HLF: variants seen among roughly 807,000 people sequenced by gnomAD.
The protein encoded by HLF is hepatic leukemia factor.
In HLF, 3 loss-of-function variants were observed where a neutral mutation model predicts 22.6. The ratio of observed to expected loss-of-function variants is 0.13; its 90% CI spans 0.06 to 0.34. The LOEUF is 0.34. Ranked by LOEUF, HLF falls within the 10% of genes least tolerant of loss-of-function variation. The probability of loss-of-function intolerance (pLI) is 1.00; values close to 1 mark genes in which losing one functional copy is unlikely to be tolerated. For synonymous variants in HLF, 151 were observed against 151.8 expected (o/e 0.99, Z 0.04); for missense variants, 299 against 389.2 (o/e 0.77, Z 1.95).
intron 2 of HLF, among the ~76,000 whole-genome samples, chr17:55,287,951 G>C (rs974440257): frequency 1.3e-5 from 2 of 152,182 alleles, no homozygotes; most frequent in Non-Finnish European, 2.9e-5. Context: ...TGAAATGAGT[G>C]CTTGTGTTGG....
intron 2 of HLF, among the ~76,000 whole-genome samples, chr17:55,277,933 T>C (rs1193257166): frequency 6.6e-6 from 1 of 152,154 alleles, no homozygotes; most frequent in Non-Finnish European, 1.5e-5. Flanking sequence ...TCCTAAAATG[T>C]TGGTTTTCCT....
intron 2 of HLF, among the ~76,000 whole-genome samples, chr17:55,275,687 T>G (rs1005448514): frequency 6.6e-6 from 1 of 152,340 alleles, no homozygotes; most frequent in Middle Eastern, 3.4e-3. Flanking sequence ...GAACCTTGAT[T>G]GTCTCTTCTG....
Position 55,277,489 on chromosome 17 carries a change from C to T in HLF, c.451+9403C>T, listed in dbSNP as rs77219302. On this transcript the variant is annotated intron_variant, in intron 2 of 3. Transcript: ENST00000226067. ...TTATTACAGTTTTGCATTCTTGAGT[C>T]CTGACCTTGTATTTGTGGCTCCCTT... Among the ~76,000 whole-genome samples, 303 of 151,314 alleles carry T rather than the reference C, an allele frequency of 2.0e-3. 1 individual carries two copies. The highest frequency in any genetic ancestry group is 6.6e-3 in the African/African-American group (272 of 41,186).
chr17:55,267,401 G>A (rs2080802447), intron 1 of HLF, among the ~76,000 whole-genome samples: 1 of 152,206 alleles, frequency 6.6e-6, no homozygotes, highest in South Asian at 2.1e-4. Flanking sequence ...AAAAATGACA[G>A]CAGTTGTATA....
At chr17:55,278,232 A>T (rs2080924166) in intron 2 of HLF, among the ~76,000 whole-genome samples, 2 of 152,256 alleles carry the variant, frequency 1.3e-5, no homozygotes, top group Admixed American at 1.3e-4. Context: ...CTACAGAAAG[A>T]TGCTTCAGGG....
chr17:55,287,124 C>G (rs571894751), intron 2 of HLF, among the ~76,000 whole-genome samples: 2 of 152,294 alleles, frequency 1.3e-5, no homozygotes, highest in East Asian at 1.9e-4. Context: ...AATACTGTTG[C>G]AATCACATTA....
intron 2 of HLF, among the ~76,000 whole-genome samples, chr17:55,280,018 G>A (rs2145313297): frequency 6.6e-6 from 1 of 152,188 alleles, no homozygotes; most frequent in East Asian, 1.9e-4. Flanking sequence ...TGTAAGTGAG[G>A]GTGCTGATAC....
chr17:55,290,688 T>G (rs2081053380), intron 2 of HLF, among the ~76,000 whole-genome samples: 1 of 152,144 alleles, frequency 6.6e-6, no homozygotes, highest in South Asian at 2.1e-4. Context: ...CTCTAAGCAC[T>G]CAAGTGAACA....
At chr17:55,279,741 G>A (rs1364792462) in intron 2 of HLF, among the ~76,000 whole-genome samples, 1 of 152,084 alleles carries the variant, frequency 6.6e-6, no homozygotes, top group East Asian at 1.9e-4. Context: ...TTAGTGAATA[G>A]CAAAAGAATT....
rs980303979 is a variant in HLF, at chr17:55,322,601, A to G, written c.*1722A>G. 4.6e-6 allele frequency: 1 copy of G among 216,996 alleles called. No individual in the cohort carries two copies. The highest frequency in any genetic ancestry group is 2.3e-5 in the African/African-American group (1 of 44,422). The allele number at this position is 216,996 out of a possible 1,614,324, so 13.4% of individuals were successfully genotyped here. ...GATGACGAATCCTGCTCTAAAATAC[A>G]CAAGGAGCTTTCTTGTTTCTTATTA... is the stretch of plus-strand genomic sequence containing the variant. On this transcript the variant is annotated 3_prime_UTR_variant, in exon 4 of 4. Coordinates refer to ENST00000226067, the MANE Select transcript of HLF (RefSeq NM_002126.5).
At chr17:55,279,080 A>C (rs1202479989) in intron 2 of HLF, among the ~76,000 whole-genome samples, 1 of 152,248 alleles carries the variant, frequency 6.6e-6, no homozygotes, top group Non-Finnish European at 1.5e-5. Flanking sequence ...GGAAGTGAGT[A>C]TCTTTTTTCC....
At chr17:55,283,587 G>T (rs2080974842) in intron 2 of HLF, 1 of 152,210 alleles carries the variant, frequency 6.6e-6, no homozygotes, top group Admixed American at 6.5e-5. Context: ...TCTGAAGGAG[G>T]CTTATTCTGA....
chr17:55,323,390 G>T lies in HLF; in HGVS notation c.*2511G>T. ...GAGAATTGTGGAAGGATTGTAACAT[G>T]GACCATCCAAATTTATGGCCGTATC... is the stretch of plus-strand genomic sequence containing the variant. On this transcript the variant is annotated 3_prime_UTR_variant, in exon 4 of 4. Coordinates refer to ENST00000226067, the MANE Select transcript of HLF (RefSeq NM_002126.5). 1 of 215,720 alleles carries T rather than the reference G, an allele frequency of 4.6e-6. No homozygotes were observed. The highest frequency in any genetic ancestry group is 9.4e-6 in the Non-Finnish European group (1 of 106,746). 13.4% of individuals were successfully genotyped at this position (215,720 alleles called of 1,614,324 possible).
rs558006214 is a variant in HLF at position 55,294,062 on chromosome 17, A to T, written c.452-21165A>T. ...CACAGTTCCTTCTGATAACGGTCTT[A>T]AAAGAGAAGCACCATGAAGTGATAA... On this transcript the variant is annotated intron_variant, in intron 2 of 3. Transcript: ENST00000226067. 9.8e-5 allele frequency among the ~76,000 whole-genome samples: 15 copies of T among 152,298 alleles called. No homozygotes were observed. In the South Asian group the frequency reaches 2.9e-3, roughly 29 times the overall value.
chr17:55,297,186 A>T (rs1181054683), intron 2 of HLF, among the ~76,000 whole-genome samples: 1 of 152,204 alleles, frequency 6.6e-6, no homozygotes, highest in Non-Finnish European at 1.5e-5. Flanking sequence ...CTTTATTAAG[A>T]TAATGTATGA....
At chr17:55,270,083 C>CAGTG (rs1477234850) in intron 2 of HLF, among the ~76,000 whole-genome samples, 2 of 152,154 alleles carry the variant, frequency 1.3e-5, no homozygotes, top group Non-Finnish European at 2.9e-5. Flanking sequence ...CAGTATTGAT[C>CAGTG]AGTGACTCTC....
At chr17:55,285,366 T>G (rs1019775628) in intron 2 of HLF, among the ~76,000 whole-genome samples, 2 of 152,218 alleles carry the variant, frequency 1.3e-5, no homozygotes, top group African/African-American at 4.8e-5. Context: ...GGATCATGTT[T>G]GATGGGATTC....
In HLF at chr17:55,265,435, G is replaced by GTC; in HGVS notation, c.-49_-48insCT. 1 of 1,062,530 alleles carries GTC rather than the reference G, an allele frequency of 9.4e-7. No homozygotes were observed. The highest frequency in any genetic ancestry group is 1.4e-6 in the Non-Finnish European group (1 of 701,678). The allele number at this position is 1,062,530 out of a possible 1,614,324, so 65.8% of individuals were successfully genotyped here. ...CTCAGCAACATTTTAGGGGGCGGTTGTTTCTTTCTTATTTCTTTTTTTAAG... is the reference window on the plus strand; with the variant it reads ...CTCAGCAACATTTTAGGGGGCGGTTGTCTTTCTTTCTTATTTCTTTTTTTAAG... On this transcript the variant is annotated 5_prime_UTR_variant, in exon 1 of 4. Transcript: ENST00000226067.
intron 2 of HLF, among the ~76,000 whole-genome samples, chr17:55,298,061 C>T (rs1414211136): frequency 6.6e-6 from 1 of 152,074 alleles, no homozygotes; most frequent in Non-Finnish European, 1.5e-5. Flanking sequence ...GCATTTCTTT[C>T]TTTTCCTGTT....
Sources: allele counts gnomAD v4.1 joint callset (sites outside exome capture counted in the v4.1 genomes callset), GRCh38; gene constraint gnomAD v4.1.1; transcripts MANE v1.5; gene names NCBI Gene and HGNC (gene_info 2026-07-23, HGNC 2026-07-21).